Variants in UBL7 observed in about 807,000 individuals in gnomAD.
The protein encoded by UBL7 is ubiquitin-like protein 7.
A neutral mutation model predicts 41.7 loss-of-function variants in UBL7; 21 were observed. That is an observed-to-expected ratio of 0.50 (90% confidence interval 0.36 to 0.73). UBL7 has a LOEUF of 0.73. Ranked by LOEUF, UBL7 falls within the 30% of genes least tolerant of loss-of-function variation. The pLI, the probability that UBL7 is intolerant of heterozygous loss-of-function variation, is 0.00. For missense variants in UBL7, 403 were observed against 478.4 expected (o/e 0.84, Z 1.47); for synonymous variants, 157 against 186.9 (o/e 0.84, Z 1.31).
chr15:74,449,148 G>C (rs1309253940), intron 9 of UBL7, 38 bp downstream of exon 9: 1 of 1,512,138 alleles, frequency 6.6e-7, no homozygotes, highest in Non-Finnish European at 8.8e-7. Flanking sequence ...TTGTTCCTTG[G>C]GGGCCCAGCC....
chr15:74,456,972 G>A (rs1033039717), intron 2 of UBL7, among the ~76,000 whole-genome samples: 1 of 152,080 alleles, frequency 6.6e-6, no homozygotes, highest in African/African-American at 2.4e-5. Context: ...ACCACACCCA[G>A]CTAATTTTTG....
intron 3 of UBL7, 134 bp from the exon 4 acceptor site, chr15:74,452,512 T>A (rs942565387): frequency 4.4e-5 from 36 of 816,956 alleles, no homozygotes; most frequent in Non-Finnish European, 6.7e-5. Flanking sequence ...CCCTTAAGAA[T>A]GTGAGTGCCT....
chr15:74,452,058 C>T (rs2289187), intron 4 of UBL7, among the ~76,000 whole-genome samples: 37,203 of 152,072 alleles, frequency 0.24, 6,048 homozygotes, highest in East Asian at 0.55. Flanking sequence ...GATCTTTTGG[C>T]TGTCACCATA....
intron 3 of UBL7, among the ~76,000 whole-genome samples, chr15:74,453,170 G>A (rs1202877041): frequency 6.6e-6 from 1 of 152,174 alleles, no homozygotes; most frequent in Non-Finnish European, 1.5e-5. Context: ...CGACAGTCCT[G>A]ATCATGAGGC....
intron 10 of UBL7, among the ~76,000 whole-genome samples, chr15:74,447,832 C>G (rs1389073420): frequency 6.6e-6 from 1 of 152,144 alleles, no homozygotes; most frequent in East Asian, 1.9e-4. Context: ...TTTCTCTGGC[C>G]CCATCTGCGG....
At chr15:74,448,693 G>A in intron 9 of UBL7, 93 bp from the exon 10 acceptor site, 2 of 1,538,310 alleles carry the variant, frequency 1.3e-6, no homozygotes, top group Admixed American at 3.7e-5. Context: ...CAGCACTCCT[G>A]AGGTACCCAA....
intron 8 of UBL7, 38 bp downstream of exon 8, chr15:74,449,588 A>T: frequency 6.2e-7 from 1 of 1,613,892 alleles, no homozygotes; most frequent in South Asian, 1.1e-5. Context: ...CATCTCCCCC[A>T]CATGTCAGCA....
rs1420652808 is a variant in UBL7, at chr15:74,451,465, G to A, written c.443C>T (p.Pro148Leu). The A allele has an allele frequency of 6.2e-7, 1 of 1,613,894 alleles. No individual in the cohort carries two copies. The highest frequency in any genetic ancestry group is 8.5e-7 in the Non-Finnish European group (1 of 1,180,014). ...ESLDQIIVAT[P>L]GLSSDPIALG... ...AGCAATAGGGTCACTGCTGAGGCCT[G>A]GGGTGGCCACAATGATCTGATCCAG... Residue 148 changes from proline to leucine, a missense_variant, in exon 5 of 11, where the codon CCA becomes CTA. Coordinates refer to ENST00000395081, the MANE Select transcript of UBL7 (RefSeq NM_032907.5).
At chr15:74,453,001 C>T (rs943873772) in intron 3 of UBL7, among the ~76,000 whole-genome samples, 2 of 152,268 alleles carry the variant, frequency 1.3e-5, no homozygotes, top group African/African-American at 4.8e-5. Context: ...CGTGAGCCAC[C>T]GTGCCCAGCC....
chr15:74,446,481 C>T lies in UBL7; in HGVS notation c.1006-254G>A, dbSNP rs2061185073. On this transcript the variant is annotated intron_variant, in intron 10 of 10. Coordinates refer to ENST00000395081, the MANE Select transcript of UBL7 (RefSeq NM_032907.5). The surrounding 1 kb of genome is among the most constrained non-coding windows in gnomAD (Gnocchi z 4.1). ...ATCAAAAGAGAATGTACAAATTATT[C>T]ACTGTCTGAATTCCAAGAGGCTAAA... Among the ~76,000 whole-genome samples, 1 of 152,208 alleles carries T rather than the reference C, an allele frequency of 6.6e-6. No homozygotes were observed. Among genetic ancestry groups the T allele is most frequent in the Admixed American group, 6.5e-5 (1 of 15,286 alleles).
chr15:74,456,159 A>T (rs1011874006), intron 3 of UBL7, among the ~76,000 whole-genome samples: 1 of 150,052 alleles, frequency 6.7e-6, no homozygotes, highest in East Asian at 2.0e-4. Context: ...TTAGCTGGGC[A>T]TGGTGACTCA....
intron 10 of UBL7, among the ~76,000 whole-genome samples, chr15:74,447,078 G>GAGCT (rs2061190883): frequency 6.6e-6 from 1 of 152,324 alleles, no homozygotes. Context: ...GAAAGCTTCT[G>GAGCT]AGCTAGGGAA....
chr15:74,451,259 T>A (rs182293885), intron 5 of UBL7, among the ~76,000 whole-genome samples, 177 bp downstream of exon 5: 36 of 152,222 alleles, frequency 2.4e-4, no homozygotes, highest in Non-Finnish European at 4.7e-4. Context: ...TATCTCTCTG[T>A]GGGACTGAGA....
At chr15:74,459,932 CAAAAAAAAAAAAA>C (rs55846825) in intron 1 of UBL7, among the ~76,000 whole-genome samples, 2 of 18,246 alleles carry the variant, frequency 1.1e-4, no homozygotes, top group African/African-American at 3.8e-4. Flanking sequence ...GACTCTGTCG[CAAAAAAAAAAAAA>C]AAAAAAAAAA....
chr15:74,456,834 G>A (rs2061299818), intron 2 of UBL7, among the ~76,000 whole-genome samples, 163 bp from the exon 3 acceptor site: 1 of 151,204 alleles, frequency 6.6e-6, no homozygotes, highest in Non-Finnish European at 1.5e-5. Context: ...TTGGAAAACA[G>A]GGTCTTACTC....
At chr15:74,456,905 G>A (rs1289360722) in intron 2 of UBL7, among the ~76,000 whole-genome samples, 1 of 152,060 alleles carries the variant, frequency 6.6e-6, no homozygotes, top group Non-Finnish European at 1.5e-5. Flanking sequence ...AACCTCCTGG[G>A]GTCAAGCAAT....
In UBL7 at chr15:74,449,692, A is replaced by C. The variant is rs372126274; in HGVS notation, c.665-17T>G. ...GGAAGCCACCTGGAGGAGGACGAAC[A>C]GATTTCAGGAGGAAGAACAGAAAGG... On this transcript the variant is annotated splice_polypyrimidine_tract_variant and intron_variant, in intron 7 of 10. Coordinates refer to ENST00000395081, the MANE Select transcript of UBL7 (RefSeq NM_032907.5). 2 of 1,614,074 alleles carry C rather than the reference A, an allele frequency of 1.2e-6. No individual in the cohort carries two copies. The highest frequency in any genetic ancestry group is 1.7e-6 in the Non-Finnish European group (2 of 1,180,044).
chr15:74,451,538 G>C lies in UBL7; in HGVS notation c.388-18C>G. The C allele has an allele frequency of 6.2e-7, 1 of 1,609,866 alleles. No individual in the cohort carries two copies. The highest frequency in any genetic ancestry group is 8.5e-7 in the Non-Finnish European group (1 of 1,176,658). ...TTAAAGACCTGCAGGAGAAATGGCG[G>C]GGGCTGAGCACTCCAACCAGCTCAA... On this transcript the variant is annotated intron_variant, in intron 4 of 10. Transcript: ENST00000395081.
chr15:74,448,922 G>A (rs2061212407), intron 9 of UBL7, among the ~76,000 whole-genome samples: 4 of 152,160 alleles, frequency 2.6e-5, no homozygotes, highest in Admixed American at 2.6e-4. Flanking sequence ...TGTCAGGGAT[G>A]AGGAAGGGCA....
Sources: allele counts gnomAD v4.1 joint callset (sites outside exome capture counted in the v4.1 genomes callset), GRCh38; gene constraint gnomAD v4.1.1; non-coding constraint Gnocchi (gnomAD v3.1); transcripts MANE v1.5; gene names NCBI Gene and HGNC (gene_info 2026-07-23, HGNC 2026-07-21).